FUT8: variants seen among roughly 807,000 people sequenced by gnomAD.
FUT8 encodes alpha-(1,6)-fucosyltransferase.
FUT8 carries 29 observed loss-of-function variants against 71.3 expected under a neutral mutation model. The observed-to-expected ratio is 0.41, with a 90% CI of 0.30 to 0.55. The LOEUF (loss-of-function observed/expected upper bound fraction) is 0.55. Among genes scored for constraint, FUT8 ranks in the 20% least tolerant of loss-of-function variants. FUT8 has a pLI of 0.34. For synonymous variants in FUT8, 254 were observed against 239.3 expected, an observed-to-expected ratio of 1.06 and a Z score of -0.57; for missense variants, 544 against 702.1, an observed-to-expected ratio of 0.77 and a Z score of 2.55.
At chr14:65,392,365 A>G in the FUT8 span, among the ~76,000 whole-genome samples, 1 of 152,238 alleles carries the variant, frequency 6.6e-6, no homozygotes, top group African/African-American at 2.4e-5. Flanking sequence ...CCTGGAAGAT[A>G]TGGAGAAATA....
intron 2 of FUT8, among the ~76,000 whole-genome samples, chr14:65,545,894 A>G (rs1156389031): frequency 1.3e-5 from 2 of 151,858 alleles, no homozygotes; most frequent in African/African-American, 2.4e-5. Context: ...TTACATCTAT[A>G]TAATAAATGC....
chr14:65,612,374 C>A (rs1307287860), intron 3 of FUT8, among the ~76,000 whole-genome samples: 1 of 152,194 alleles, frequency 6.6e-6, no homozygotes, highest in Non-Finnish European at 1.5e-5. Context: ...TACCCAGCAT[C>A]CCATGAATTA....
At chr14:65,415,456 C>T (rs1255515266) in intron 1 of FUT8, among the ~76,000 whole-genome samples, 1 of 152,070 alleles carries the variant, frequency 6.6e-6, no homozygotes, top group Admixed American at 6.6e-5. Flanking sequence ...AAATGTACCC[C>T]CAAACTTAGA....
At position 65,650,536 on chromosome 14, in the gene FUT8, C is replaced by T. The variant is rs117746415; in HGVS notation, c.598-18707C>T. 5.7e-3 allele frequency among the ~76,000 whole-genome samples: 864 copies of T among 151,548 alleles called. 31 individuals are homozygous for T. In the East Asian group the frequency reaches 0.093, roughly 16 times the overall value. On this transcript the variant is annotated intron_variant, in intron 6 of 10. Coordinates refer to ENST00000673929, the MANE Select transcript of FUT8 (RefSeq NM_001371533.1). ...TTTAAACAGTCAGATCTCCTGAGGA[C>T]TCTATCGTGAGAAAAATACTAGCAG...
At chr14:65,434,596 A>G (rs1056390875) in intron 1 of FUT8, among the ~76,000 whole-genome samples, 1 of 152,240 alleles carries the variant, frequency 6.6e-6, no homozygotes, top group Non-Finnish European at 1.5e-5. Context: ...AGTGAAAGAG[A>G]AATACTTACA....
Position 65,464,517 on chromosome 14 carries a change from G to A in FUT8, c.-228+8799G>A, listed in dbSNP as rs569853511. On this transcript the variant is annotated intron_variant, in intron 2 of 10. Coordinates refer to ENST00000673929, the MANE Select transcript of FUT8 (RefSeq NM_001371533.1). ...GTTTTTTGTAAATTTTATTTATCAA[G>A]TGGAGGAAATCCTCCTCTATTTCTA... 8.6e-4 allele frequency among the ~76,000 whole-genome samples: 131 copies of A among 152,244 alleles called. 1 individual carries two copies. The highest frequency in any genetic ancestry group is 3.1e-3 in the African/African-American group (128 of 41,568).
At chr14:65,725,216 G>A (rs1169022624) in intron 9 of FUT8, among the ~76,000 whole-genome samples, 1 of 152,170 alleles carries the variant, frequency 6.6e-6, no homozygotes, top group Non-Finnish European at 1.5e-5. Flanking sequence ...GTATGGAACA[G>A]TAACAATTAT....
chr14:65,611,654 TTTTC>T (rs1200661645), intron 3 of FUT8, among the ~76,000 whole-genome samples: 3 of 151,890 alleles, frequency 2.0e-5, no homozygotes, highest in East Asian at 3.9e-4. Flanking sequence ...TATTAAAATT[TTTTC>T]TTTCTTTCTT....
chr14:65,692,959 A>G (rs1177345534), intron 7 of FUT8, among the ~76,000 whole-genome samples: 1 of 146,684 alleles, frequency 6.8e-6, no homozygotes, highest in Non-Finnish European at 1.5e-5. Context: ...GGTGGCCGGG[A>G]AGAGGCGCTC....
At chr14:65,677,152 G>GTGTGTGTGTGCGCGCA (rs1555383261) in intron 7 of FUT8, among the ~76,000 whole-genome samples, 1 of 59,480 alleles carries the variant, frequency 1.7e-5, no homozygotes, top group Non-Finnish European at 4.6e-5. Flanking sequence ...GTGTGTGTGT[G>GTGTGTGTGTGCGCGCA]CGCGCGCGCA....
upstream of FUT8, chr14:65,412,067 G>T (rs1170725436): frequency 4.4e-6 from 2 of 456,732 alleles, no homozygotes; most frequent in Non-Finnish European, 8.8e-6. Flanking sequence ...ATAAACTTCC[G>T]CCTCAGAGGG....
chr14:65,734,783 G>A (rs1896138662), intron 10 of FUT8, among the ~76,000 whole-genome samples: 1 of 152,130 alleles, frequency 6.6e-6, no homozygotes, highest in African/African-American at 2.4e-5. Flanking sequence ...CCCCAGCTAT[G>A]CCACCTTCTC....
intron 2 of FUT8, among the ~76,000 whole-genome samples, chr14:65,492,903 C>G (rs1042712297): frequency 3.3e-5 from 5 of 152,078 alleles, no homozygotes; most frequent in Non-Finnish European, 7.4e-5. Context: ...TTTCGTGTCT[C>G]TGTCTCTCCC....
intron 3 of FUT8, among the ~76,000 whole-genome samples, chr14:65,602,502 G>A (rs1215061005): frequency 4.0e-5 from 6 of 150,356 alleles, no homozygotes; most frequent in African/African-American, 7.3e-5. Context: ...TATCTTTTTC[G>A]TATAATGACT....
At position 65,483,691 on chromosome 14, in the gene FUT8, T is replaced by G. The variant is rs1355757476; in HGVS notation, c.-228+27973T>G. On this transcript the variant is annotated intron_variant, in intron 2 of 10. Transcript: ENST00000673929. The surrounding 1 kb of genome is among the most constrained non-coding windows in gnomAD (Gnocchi z 4.4). Reference sequence around the variant, plus strand: ...TCTTTAAGTATTTTATATTTTTTGATGCTTTTATAAATATTTAAATAACAT... The same window carrying G: ...TCTTTAAGTATTTTATATTTTTTGAGGCTTTTATAAATATTTAAATAACAT... 6.6e-6 allele frequency among the ~76,000 whole-genome samples: 1 copy of G among 152,192 alleles called. No homozygotes were observed. The highest frequency in any genetic ancestry group is 1.9e-4 in the East Asian group (1 of 5,204).
chr14:65,686,968 A>G (rs1003216710), intron 7 of FUT8, among the ~76,000 whole-genome samples: 1 of 152,178 alleles, frequency 6.6e-6, no homozygotes, highest in African/African-American at 2.4e-5. Context: ...ACTTCTTCAT[A>G]TGGCCTTTCA....
At chr14:65,474,456 A>AAAAAAAAAAAAAAAAACAAAAAAAAT (rs1169769207) in intron 2 of FUT8, among the ~76,000 whole-genome samples, 1 of 147,794 alleles carries the variant, frequency 6.8e-6, no homozygotes, top group Non-Finnish European at 1.5e-5. Flanking sequence ...AAAAAAAAAA[A>AAAAAAAAAAAAAAAAACAAAAAAAAT]AGCCAGGCGT....
At chr14:65,376,973 A>G in the FUT8 span, among the ~76,000 whole-genome samples, 1 of 152,146 alleles carries the variant, frequency 6.6e-6, no homozygotes, top group Non-Finnish European at 1.5e-5. Context: ...TTAGATTTTT[A>G]TGTTCATTTT....
chr14:65,741,875 C>T (rs1237214629), intron 10 of FUT8, among the ~76,000 whole-genome samples: 4 of 151,826 alleles, frequency 2.6e-5, no homozygotes, highest in South Asian at 4.1e-4. Context: ...AATAATCTTT[C>T]GTGAGTTTTT....
Sources: allele counts gnomAD v4.1 joint callset (sites outside exome capture counted in the v4.1 genomes callset), GRCh38; gene constraint gnomAD v4.1.1; non-coding constraint Gnocchi (gnomAD v3.1); transcripts MANE v1.5; gene names NCBI Gene and HGNC (gene_info 2026-07-23, HGNC 2026-07-21).